Variants in ARHGAP26 observed in about 807,000 individuals in gnomAD.
The protein encoded by ARHGAP26 is Rho GTPase activating protein 26.
Under a neutral mutation model 104.8 loss-of-function variants are expected in ARHGAP26, and 38 were observed. That is an observed-to-expected ratio of 0.36 (90% confidence interval 0.28 to 0.48). ARHGAP26 has a LOEUF of 0.48. Among genes scored for constraint, ARHGAP26 ranks in the 20% least tolerant of loss-of-function variants. ARHGAP26 has a pLI of 0.99. For synonymous variants in ARHGAP26, 341 were observed against 340.0 expected, an observed-to-expected ratio of 1.00 and a Z score of -0.03; for missense variants, 704 against 947.9, an observed-to-expected ratio of 0.74 and a Z score of 3.38.
chr5:142,996,726 A>C (rs1182898551), intron 11 of ARHGAP26, among the ~76,000 whole-genome samples: 1 of 152,192 alleles, frequency 6.6e-6, no homozygotes, highest in East Asian at 1.9e-4. Flanking sequence ...GCCAGCAAAC[A>C]GTTAGAAATG....
At chr5:143,119,214 G>A (rs1795847973) in intron 17 of ARHGAP26, among the ~76,000 whole-genome samples, 2 of 152,084 alleles carry the variant, frequency 1.3e-5, no homozygotes, top group Admixed American at 6.5e-5. Context: ...AGCCTGACGG[G>A]GAAAAATGAT....
intron 11 of ARHGAP26, among the ~76,000 whole-genome samples, chr5:142,992,130 G>A (rs1775706454): frequency 6.6e-6 from 1 of 151,416 alleles, no homozygotes; most frequent in Non-Finnish European, 1.5e-5. Flanking sequence ...TTTATCCTTT[G>A]TACATTTTTT....
chr5:142,777,919 G>A (rs918446236), intron 1 of ARHGAP26, among the ~76,000 whole-genome samples: 6 of 152,188 alleles, frequency 3.9e-5, no homozygotes, highest in Non-Finnish European at 7.4e-5. Flanking sequence ...TGCCATGATC[G>A]TACTCATACT....
intron 1 of ARHGAP26, among the ~76,000 whole-genome samples, chr5:142,824,931 G>T (rs759044613): frequency 3.3e-5 from 5 of 152,222 alleles, no homozygotes; most frequent in Non-Finnish European, 7.3e-5. Flanking sequence ...ACTACAGGCA[G>T]AGAAGGGAGA....
At position 143,223,156 on chromosome 5, in the gene ARHGAP26, C is replaced by A; in HGVS notation, c.*710C>A. ...GGGCTGCCATCCATCGCCTAGTAAC[C>A]ACGGCAACCCAACCTACTCTAAAAC... On this transcript the variant is annotated 3_prime_UTR_variant, in exon 23 of 23. Coordinates refer to ENST00000645722, the MANE Select transcript of ARHGAP26 (RefSeq NM_001135608.3). The A allele has an allele frequency of 4.3e-6, 1 of 233,476 alleles. No homozygotes were observed. The highest frequency in any genetic ancestry group is 8.5e-6 in the Non-Finnish European group (1 of 117,902). The allele number at this position is 233,476 out of a possible 1,614,324, so 14.5% of individuals were successfully genotyped here.
chr5:142,773,281 C>A (rs1755625946), intron 1 of ARHGAP26, among the ~76,000 whole-genome samples: 1 of 152,136 alleles, frequency 6.6e-6, no homozygotes, highest in Non-Finnish European at 1.5e-5. Context: ...TATATAAACA[C>A]TGGGTTTAGA....
At chr5:143,169,772 C>G (rs143432470) in intron 20 of ARHGAP26, 91 of 152,306 alleles carry the variant, frequency 6.0e-4, no homozygotes, top group African/African-American at 2.2e-3. Context: ...GAGACAGCCA[C>G]AGATGTCACT....
At chr5:143,163,773 T>G (rs1476568637) in intron 20 of ARHGAP26, among the ~76,000 whole-genome samples, 1 of 152,132 alleles carries the variant, frequency 6.6e-6, no homozygotes, top group Non-Finnish European at 1.5e-5. Flanking sequence ...TTATGATCCA[T>G]CTTTTTTCTC....
intron 5 of ARHGAP26, among the ~76,000 whole-genome samples, chr5:142,888,771 C>T (rs993878653): frequency 2.0e-5 from 3 of 152,372 alleles, no homozygotes; most frequent in Admixed American, 6.5e-5. Context: ...TCAACAAATA[C>T]TCACTGGACG....
At chr5:143,009,853 G>A (rs1778495846) in intron 11 of ARHGAP26, among the ~76,000 whole-genome samples, 2 of 152,184 alleles carry the variant, frequency 1.3e-5, no homozygotes, top group African/African-American at 2.4e-5. Context: ...GTTGTTGAAG[G>A]TGCATTAACT....
intron 12 of ARHGAP26, among the ~76,000 whole-genome samples, chr5:143,029,051 A>C (rs1440007336): frequency 6.6e-6 from 1 of 152,208 alleles, no homozygotes; most frequent in Non-Finnish European, 1.5e-5. Context: ...CAGGGGCCAC[A>C]GCCCAGGGAG....
intron 13 of ARHGAP26, among the ~76,000 whole-genome samples, chr5:143,038,957 G>A (rs780913766): frequency 3.3e-5 from 5 of 152,018 alleles, no homozygotes; most frequent in Non-Finnish European, 7.4e-5. Context: ...GTCTCCCAAA[G>A]TGCTGGGATT....
chr5:143,160,060 CTTT>C (rs200678768), intron 20 of ARHGAP26, among the ~76,000 whole-genome samples: 13 of 133,982 alleles, frequency 9.7e-5, no homozygotes, highest in Admixed American at 1.5e-4. Context: ...AAAGATTTTT[CTTT>C]TTTTTTTTTT....
At chr5:142,808,274 A>T (rs405633) in intron 1 of ARHGAP26, among the ~76,000 whole-genome samples, 1 of 110,594 alleles carries the variant, frequency 9.0e-6, no homozygotes, top group East Asian at 3.1e-4. Flanking sequence ...AAAAAAAAAA[A>T]AATGTTGTAT....
At chr5:143,044,163 C>G (rs1783880846) in intron 14 of ARHGAP26, among the ~76,000 whole-genome samples, 1 of 151,918 alleles carries the variant, frequency 6.6e-6, no homozygotes, top group South Asian at 2.1e-4. Context: ...ACAAAAGTGT[C>G]AAGAAGACAA....
chr5:143,214,028 G>A lies in ARHGAP26; in HGVS notation c.2131G>A (p.Ala711Thr), dbSNP rs1599551117. The A allele has an allele frequency of 6.3e-7, 1 of 1,594,230 alleles. No individual in the cohort carries two copies. Among genetic ancestry groups the A allele is most frequent in the Non-Finnish European group, 8.6e-7 (1 of 1,166,992 alleles). ...TPFRKAKALY[A>T]CKAEHDSELS... ...GTTCCGGAAGGCAAAAGCCTTGTAT[G>A]CCTGCAAAGCTGAACATGACTCAGA... The change falls in exon 22 of 23, where the codon GCC becomes ACC. Residue 711 changes from alanine (A) to threonine (T), a missense_variant. Transcript: ENST00000645722.
chr5:142,993,892 A>G (rs531813209), intron 11 of ARHGAP26, among the ~76,000 whole-genome samples: 6 of 151,888 alleles, frequency 4.0e-5, no homozygotes, highest in African/African-American at 9.7e-5. Flanking sequence ...ATCAGTCTCA[A>G]ATTCCTGGGC....
Position 143,064,249 on chromosome 5 carries a change from G to T in ARHGAP26, c.1538+6502G>T, listed in dbSNP as rs184181116. ...CTTGCTCCCGGCCTACTTCATTCAG[G>T]TCTCCTACCTGCCTGGCCGTGTTGT... On this transcript the variant is annotated intron_variant, in intron 17 of 22. Coordinates refer to ENST00000645722, the MANE Select transcript of ARHGAP26 (RefSeq NM_001135608.3). Among the ~76,000 whole-genome samples the T allele has an allele frequency of 3.4e-3, 515 of 151,984 alleles. 3 individuals are homozygous for T. Among genetic ancestry groups the T allele is most frequent in the Middle Eastern group, 0.017 (5 of 294 alleles).
At chr5:143,125,261 G>T (rs769083229) in intron 18 of ARHGAP26, among the ~76,000 whole-genome samples, 4 of 151,998 alleles carry the variant, frequency 2.6e-5, no homozygotes, top group Non-Finnish European at 5.9e-5. Context: ...GTTTTCCAAG[G>T]GTTAACATTA....
Sources: gnomAD v4.1 joint callset for allele counts (sites outside exome capture counted in the v4.1 genomes callset) on GRCh38, gnomAD v4.1.1 for gene constraint, MANE v1.5 for transcripts, NCBI Gene and HGNC (gene_info 2026-07-23, HGNC 2026-07-21) for gene names.